Variants in KALRN observed in about 807,000 individuals in gnomAD.
KALRN encodes kalirin RhoGEF kinase.
KALRN carries 70 observed loss-of-function variants against 353.7 expected under a neutral mutation model. The observed-to-expected ratio is 0.20, with a 90% CI of 0.16 to 0.24. The LOEUF (loss-of-function observed/expected upper bound fraction) is 0.24, where lower values mean the gene tolerates loss of function less well. KALRN is among the 10% of genes least tolerant of loss of function. The probability of loss-of-function intolerance (pLI) is 1.00; values close to 1 mark genes in which losing one functional copy is unlikely to be tolerated. For missense variants in KALRN, 2,791 were observed against 3,756.7 expected, an observed-to-expected ratio of 0.74 and a Z score of 6.72; for synonymous variants, 1,391 against 1,434.8, an observed-to-expected ratio of 0.97 and a Z score of 0.69.
At chr3:124,471,406 C>T (rs1311991697) in intron 25 of KALRN, among the ~76,000 whole-genome samples, 1 of 151,822 alleles carries the variant, frequency 6.6e-6, no homozygotes, top group Non-Finnish European at 1.5e-5. Context: ...CTGCCTCAGC[C>T]TCCTGAGTAG....
chr3:124,564,000 T>G (rs1171968274), intron 34 of KALRN, among the ~76,000 whole-genome samples: 2 of 104,644 alleles, frequency 1.9e-5, no homozygotes, highest in South Asian at 3.0e-4. Flanking sequence ...AGCGAGACTC[T>G]GTCTCAAAAA....
intron 1 of KALRN, among the ~76,000 whole-genome samples, chr3:124,135,415 T>C (rs1214422524): frequency 2.0e-5 from 3 of 152,026 alleles, no homozygotes; most frequent in African/African-American, 7.2e-5. Context: ...AGATTATAGA[T>C]ATGGTGCAGG....
At chr3:124,616,189 A>G (rs1578366909) in intron 34 of KALRN, among the ~76,000 whole-genome samples, 1 of 152,274 alleles carries the variant, frequency 6.6e-6, no homozygotes, top group East Asian at 1.9e-4. Flanking sequence ...TGACATTTTC[A>G]GTTAAGTAGC....
chr3:124,553,373 C>G (rs1382542232), intron 33 of KALRN, among the ~76,000 whole-genome samples: 1 of 152,198 alleles, frequency 6.6e-6, no homozygotes, highest in Admixed American at 6.5e-5. Context: ...ACCCAGTAAT[C>G]CACAGAAAGG....
chr3:124,462,380 T>C (rs559824084), intron 24 of KALRN, 144 bp from the exon 25 acceptor site: 1 of 580,442 alleles, frequency 1.7e-6, no homozygotes, highest in Admixed American at 3.3e-5. Flanking sequence ...CTTTCTCTTA[T>C]GTTTACTTAA....
intron 32 of KALRN, among the ~76,000 whole-genome samples, chr3:124,495,982 T>TAC (rs2063737462): frequency 4.4e-5 from 2 of 45,326 alleles, no homozygotes; most frequent in African/African-American, 1.4e-4. Flanking sequence ...TATATATATA[T>TAC]ATATATATAT....
intron 1 of KALRN, among the ~76,000 whole-genome samples, chr3:124,133,244 C>T (rs528431061): frequency 1.2e-4 from 18 of 152,232 alleles, no homozygotes; most frequent in African/African-American, 3.9e-4. Context: ...CAACTCCATT[C>T]GGGAAAATCT....
rs757276294 is a variant in KALRN, at chr3:124,633,960, C to G, written c.5568+7C>G. 3 of 1,608,700 alleles carry G rather than the reference C, an allele frequency of 1.9e-6. No homozygotes were observed. Among genetic ancestry groups the G allele is most frequent in the Middle Eastern group, 1.6e-4 (1 of 6,070 alleles). ...CCCTACACAGGATGAAATGGTAGAA[C>G]TTCTTTACTTGCTCACTTAAAAGAG... On this transcript the variant is annotated splice_region_variant and intron_variant, in intron 36 of 59. Transcript: ENST00000682506.
chr3:124,316,679 A>G (rs2078844793), intron 6 of KALRN, among the ~76,000 whole-genome samples: 1 of 152,208 alleles, frequency 6.6e-6, no homozygotes, highest in Non-Finnish European at 1.5e-5. Flanking sequence ...CAGCCCCATC[A>G]CGTGCTATCC....
intron 3 of KALRN, among the ~76,000 whole-genome samples, chr3:124,253,690 A>G (rs952250931): frequency 6.6e-6 from 1 of 152,178 alleles, no homozygotes; most frequent in Non-Finnish European, 1.5e-5. Context: ...TTCCCTGGAC[A>G]TCCTAGTGAA....
intron 10 of KALRN, among the ~76,000 whole-genome samples, chr3:124,357,083 C>G (rs2083502931): frequency 6.6e-6 from 1 of 152,334 alleles, no homozygotes; most frequent in East Asian, 1.9e-4. Flanking sequence ...AGGCCACCAA[C>G]CACCCACTTG....
At position 124,669,860 on chromosome 3, in the gene KALRN, T is replaced by C. The variant is rs1336524212; in HGVS notation, c.6704-1800T>C. On this transcript the variant is annotated intron_variant, in intron 47 of 59. Transcript: ENST00000682506. ...AATACCCGATATAATGTACATGCTA[T>C]GTAAATGATTGTTATACTATATTGT... Among the ~76,000 whole-genome samples, 11 of 152,158 alleles carry C rather than the reference T, an allele frequency of 7.2e-5. No individual in the cohort carries two copies. The East Asian group carries it at 1.9e-3, about 27-fold the overall frequency.
intron 34 of KALRN, among the ~76,000 whole-genome samples, chr3:124,589,451 G>T (rs191184238): frequency 4.3e-4 from 66 of 152,206 alleles, no homozygotes; most frequent in African/African-American, 1.0e-3. Flanking sequence ...ATATTAGCTG[G>T]GTGTAGTGAC....
chr3:124,427,749 A>G (rs1240758178), intron 15 of KALRN, among the ~76,000 whole-genome samples: 2 of 152,102 alleles, frequency 1.3e-5, no homozygotes, highest in East Asian at 3.9e-4. Flanking sequence ...CTACTAACTG[A>G]TTTTCTTGGA....
At chr3:124,492,168 C>T (rs1261818468) in intron 31 of KALRN, among the ~76,000 whole-genome samples, 5 of 152,210 alleles carry the variant, frequency 3.3e-5, no homozygotes, top group Non-Finnish European at 7.3e-5. Context: ...ATAGCTGCTA[C>T]CTGTTGTGAG....
chr3:124,324,292 T>C (rs2079646701), intron 6 of KALRN, among the ~76,000 whole-genome samples: 1 of 152,140 alleles, frequency 6.6e-6, no homozygotes, highest in Non-Finnish European at 1.5e-5. Context: ...GAGCAGGAGA[T>C]TTGAGGGACT....
intron 47 of KALRN, among the ~76,000 whole-genome samples, chr3:124,669,947 T>C (rs2086180726): frequency 2.6e-5 from 4 of 151,444 alleles, no homozygotes; most frequent in South Asian, 2.1e-4. Flanking sequence ...CCATCCTTTT[T>C]TCCCCCATAT....
At position 124,119,667 on chromosome 3, in the gene KALRN, A is replaced by C. The variant is rs112358230; in HGVS notation, c.73+85854A>C. On this transcript the variant is annotated intron_variant, in intron 1 of 59. Transcript: ENST00000682506. Reference sequence around the variant, plus strand: ...GATCATTCAGATCGGGTAGGACTGAAGCATGGTCTAGCATTGTGTCTGGAA... The same window carrying C: ...GATCATTCAGATCGGGTAGGACTGACGCATGGTCTAGCATTGTGTCTGGAA... Among the ~76,000 whole-genome samples the C allele has an allele frequency of 2.1e-3, 318 of 152,322 alleles. 2 individuals carry two copies. Among genetic ancestry groups the C allele is most frequent in the Middle Eastern group, 0.017 (5 of 294 alleles).
intron 37 of KALRN, 24 bp from the exon 38 acceptor site, chr3:124,650,784 A>G (rs1462476863): frequency 6.5e-7 from 1 of 1,527,064 alleles, no homozygotes; most frequent in Non-Finnish European, 8.7e-7. Context: ...ACACTTCTCT[A>G]AGCCTGTTTT....
Sources: allele counts gnomAD v4.1 joint callset (sites outside exome capture counted in the v4.1 genomes callset), GRCh38; gene constraint gnomAD v4.1.1; transcripts MANE v1.5; gene names NCBI Gene and HGNC (gene_info 2026-07-23, HGNC 2026-07-21).